The following PDE4B variants were observed in gnomAD, a reference collection of about 807,000 sequenced individuals.
PDE4B encodes phosphodiesterase 4B, also known as 3',5'-cyclic-AMP phosphodiesterase 4B.
A neutral mutation model predicts 82.2 loss-of-function variants in PDE4B; 20 were observed. The observed-to-expected ratio is 0.24, with a 90% confidence interval of 0.17 to 0.35. PDE4B has a LOEUF of 0.35. PDE4B is among the 10% of genes least tolerant of loss of function. The pLI is 1.00. For synonymous variants in PDE4B, 320 were observed against 318.9 expected (o/e 1.00, Z -0.04); for missense variants, 655 against 907.2 (o/e 0.72, Z 3.57).
chr1:65,997,419 G>A (rs1651610912), intron 3 of PDE4B, among the ~76,000 whole-genome samples: 1 of 152,098 alleles, frequency 6.6e-6, no homozygotes, highest in South Asian at 2.1e-4. Context: ...AAAAGCCATA[G>A]TTAGTACTCT....
At chr1:66,290,565 G>T (rs1656999612) in intron 7 of PDE4B, among the ~76,000 whole-genome samples, 1 of 152,156 alleles carries the variant, frequency 6.6e-6, no homozygotes, top group South Asian at 2.1e-4. Flanking sequence ...GTTCCTCTGA[G>T]ATTTTAAATT....
At chr1:66,060,977 T>C (rs1655555989) in intron 3 of PDE4B, among the ~76,000 whole-genome samples, 1 of 151,816 alleles carries the variant, frequency 6.6e-6, no homozygotes, top group Non-Finnish European at 1.5e-5. Flanking sequence ...TCACTGAATG[T>C]CATAAAAAGA....
At chr1:65,929,063 C>T (rs896121298) in intron 3 of PDE4B, among the ~76,000 whole-genome samples, 1 of 152,164 alleles carries the variant, frequency 6.6e-6, no homozygotes, top group Admixed American at 6.5e-5. Flanking sequence ...GTGTAGCGCA[C>T]CTCCTCATGG....
At chr1:66,230,829 C>T (rs761550618) in intron 3 of PDE4B, among the ~76,000 whole-genome samples, 1 of 151,982 alleles carries the variant, frequency 6.6e-6, no homozygotes, top group African/African-American at 2.4e-5. Flanking sequence ...GGGCAGATCA[C>T]GAGGTCAGGA....
intron 3 of PDE4B, among the ~76,000 whole-genome samples, chr1:66,193,950 C>CTTT: frequency 7.0e-6 from 1 of 141,902 alleles, no homozygotes; most frequent in Non-Finnish European, 1.5e-5. Flanking sequence ...GATTTGAAAT[C>CTTT]TTTTTTTTTT....
intron 3 of PDE4B, among the ~76,000 whole-genome samples, chr1:65,987,481 G>C (rs1162173771): frequency 6.6e-6 from 1 of 152,136 alleles, no homozygotes; most frequent in Non-Finnish European, 1.5e-5. Flanking sequence ...GTCCCATAAG[G>C]TATCCTCTGT....
chr1:66,225,990 C>A (rs1651422454), intron 3 of PDE4B, among the ~76,000 whole-genome samples: 1 of 152,188 alleles, frequency 6.6e-6, no homozygotes, highest in East Asian at 1.9e-4. Context: ...TACTGAAATT[C>A]ATTGTCATTC....
At chr1:65,967,245 A>C (rs1467260240) in intron 3 of PDE4B, among the ~76,000 whole-genome samples, 2 of 152,214 alleles carry the variant, frequency 1.3e-5, no homozygotes, top group Non-Finnish European at 2.9e-5. Flanking sequence ...GACACTTCTC[A>C]AAAGAAGACA....
intron 3 of PDE4B, among the ~76,000 whole-genome samples, chr1:66,031,073 C>G (rs1653747579): frequency 6.6e-6 from 1 of 152,078 alleles, no homozygotes; most frequent in South Asian, 2.1e-4. Context: ...GGCAATTTAC[C>G]CATGTAGCAA....
At chr1:65,892,589 C>T (rs1045844878) in intron 1 of PDE4B, among the ~76,000 whole-genome samples, 2 of 151,998 alleles carry the variant, frequency 1.3e-5, no homozygotes, top group African/African-American at 4.8e-5. Flanking sequence ...GCATCTGTAC[C>T]CACCCTAACC....
chr1:66,135,029 G>A (rs1358756301), intron 3 of PDE4B, among the ~76,000 whole-genome samples: 1 of 152,168 alleles, frequency 6.6e-6, no homozygotes, highest in Admixed American at 6.5e-5. Flanking sequence ...GAGTCTTATA[G>A]GATGAAGAAT....
At chr1:66,135,126 T>C (rs988076600) in intron 3 of PDE4B, among the ~76,000 whole-genome samples, 6 of 152,232 alleles carry the variant, frequency 3.9e-5, no homozygotes, top group Admixed American at 3.3e-4. Context: ...AGCACCCATG[T>C]GTTGGTGTGT....
intron 3 of PDE4B, among the ~76,000 whole-genome samples, chr1:66,007,503 C>T (rs187530888): frequency 1.7e-4 from 26 of 152,204 alleles, no homozygotes; most frequent in Admixed American, 4.6e-4. Flanking sequence ...ATACAATGCT[C>T]TCCCACTGCT....
chr1:65,831,489 A>G (rs1370553965), intron 1 of PDE4B, among the ~76,000 whole-genome samples: 1 of 152,096 alleles, frequency 6.6e-6, no homozygotes, highest in Non-Finnish European at 1.5e-5. Context: ...ATATTAGAAA[A>G]CTTGCTAGTT....
intron 3 of PDE4B, among the ~76,000 whole-genome samples, chr1:66,106,695 A>G (rs1416457364): frequency 6.6e-6 from 1 of 151,610 alleles, no homozygotes; most frequent in Non-Finnish European, 1.5e-5. Context: ...AAATTTATCC[A>G]TTTCTTCTAG....
chr1:65,832,556 T>C (rs1404627643), intron 1 of PDE4B, among the ~76,000 whole-genome samples: 1 of 152,178 alleles, frequency 6.6e-6, no homozygotes, highest in East Asian at 1.9e-4. Flanking sequence ...ATTCAGTTCC[T>C]AAGAAAACAA....
chr1:65,999,505 C>G (rs1410868311), intron 3 of PDE4B, among the ~76,000 whole-genome samples: 2 of 152,162 alleles, frequency 1.3e-5, no homozygotes, highest in Non-Finnish European at 2.9e-5. Context: ...TGGATGTTAA[C>G]ACGGTTTCTC....
chr1:66,049,032 T>C (rs757708811), intron 3 of PDE4B: 29 of 152,058 alleles, frequency 1.9e-4, no homozygotes, highest in Non-Finnish European at 4.1e-4. Flanking sequence ...TTGGTGCTTT[T>C]ACATCTAGCA....
At chr1:66,266,226 C>A in intron 7 of PDE4B, 139 bp downstream of exon 7, 1 of 702,374 alleles carries the variant, frequency 1.4e-6, no homozygotes, top group Non-Finnish European at 2.6e-6. Flanking sequence ...TGACTTTTTT[C>A]TAAGGTACAC....
Sources: allele counts gnomAD v4.1 joint callset (sites outside exome capture counted in the v4.1 genomes callset), GRCh38; gene constraint gnomAD v4.1.1; transcripts MANE v1.5; gene names NCBI Gene and HGNC (gene_info 2026-07-23, HGNC 2026-07-21).